Variants in APPBP2 observed in about 807,000 individuals in gnomAD.
The protein encoded by APPBP2 is amyloid protein-binding protein 2.
APPBP2 carries 15 observed loss-of-function variants against 76.0 expected under a neutral mutation model. That is an observed-to-expected ratio of 0.20 (90% CI 0.13 to 0.30). The LOEUF (loss-of-function observed/expected upper bound fraction) is 0.30, where lower values mean the gene tolerates loss of function less well. Ranked by LOEUF, APPBP2 falls within the 10% of genes least tolerant of loss-of-function variation. The probability of loss-of-function intolerance (pLI) is 1.00; values close to 1 mark genes in which losing one functional copy is unlikely to be tolerated. For synonymous variants in APPBP2, 222 were observed against 242.2 expected (o/e 0.92, Z 0.77); for missense variants, 401 against 687.2 (o/e 0.58, Z 4.66).
intron 1 of APPBP2, among the ~76,000 whole-genome samples, chr17:60,503,466 A>G (rs2090839497): frequency 6.9e-6 from 1 of 145,146 alleles, no homozygotes; most frequent in Non-Finnish European, 1.5e-5. Flanking sequence ...ACTCACTGCA[A>G]CCTCCACCTC....
chr17:60,509,874 A>C lies in APPBP2; in HGVS notation c.139-9387T>G, dbSNP rs543864725. 5.6e-4 allele frequency among the ~76,000 whole-genome samples: 86 copies of C among 152,306 alleles called. 2 individuals are homozygous for C. The South Asian group carries it at 0.017, about 29-fold the overall frequency. On this transcript the variant is annotated intron_variant, in intron 1 of 12. Transcript: ENST00000083182. ...CTTCCAAATATCACATGAAAGGGGAAAGTGAATGGGAGAACAGATTCAGTA... is the reference window on the plus strand; with the variant it reads ...CTTCCAAATATCACATGAAAGGGGACAGTGAATGGGAGAACAGATTCAGTA...
intron 3 of APPBP2, among the ~76,000 whole-genome samples, chr17:60,485,709 C>T (rs186131681): frequency 2.0e-4 from 30 of 152,248 alleles, no homozygotes; most frequent in African/African-American, 7.2e-4. Flanking sequence ...TTCAGTTCTG[C>T]TCTGATCTTA....
intron 9 of APPBP2, chr17:60,460,077 T>C (rs567301462): frequency 6.6e-6 from 1 of 152,380 alleles, no homozygotes; most frequent in South Asian, 2.1e-4. Context: ...TTAAGTTTGC[T>C]ACTGTATTAC....
intron 1 of APPBP2, among the ~76,000 whole-genome samples, chr17:60,519,859 C>T (rs1006194462): frequency 6.7e-6 from 1 of 148,218 alleles, no homozygotes; most frequent in Admixed American, 6.8e-5. Context: ...TGACAGCTCA[C>T]TGCAACCTCA....
At chr17:60,487,295 C>G (rs2090687682) in intron 3 of APPBP2, among the ~76,000 whole-genome samples, 2 of 152,294 alleles carry the variant, frequency 1.3e-5, no homozygotes, top group South Asian at 4.1e-4. Context: ...TGTCTTCCAG[C>G]TTGGTTCCAT....
intron 1 of APPBP2, among the ~76,000 whole-genome samples, chr17:60,517,263 A>G (rs1378356823): frequency 6.6e-6 from 1 of 152,208 alleles, no homozygotes; most frequent in Admixed American, 6.5e-5. Flanking sequence ...GGCGTGAGCC[A>G]CCATGTTGGG....
intron 1 of APPBP2, chr17:60,513,251 A>G (rs2090933538): frequency 2.3e-6 from 1 of 429,178 alleles, no homozygotes; most frequent in South Asian, 3.2e-5. Context: ...GATATTGTAT[A>G]TAAGAAATTT....
rs2090417991 is a variant in APPBP2 at position 60,454,438 on chromosome 17, C to G, written c.1202G>C (p.Arg401Thr). 6.2e-7 allele frequency: 1 copy of G among 1,609,494 alleles called. No individual in the cohort carries two copies. The highest frequency in any genetic ancestry group is 8.5e-7 in the Non-Finnish European group (1 of 1,178,420). ...CAAATCATGAGCTTCTTGAAGCAGCCTCTGTTCAGTTTCCTTATTATGACA... is the reference window on the plus strand; with the variant it reads ...CAAATCATGAGCTTCTTGAAGCAGCGTCTGTTCAGTTTCCTTATTATGACA... ...IDCHNKETEQ[R>T]LLQEAHDLHL... The change falls in exon 11 of 13, where the codon AGG (arginine) becomes ACG (threonine). Residue 401 changes from arginine to threonine, a missense_variant. This residue lies in a region of APPBP2 where 130 missense variants were observed against 322.7 expected (regional missense o/e 0.40). Transcript: ENST00000083182.
chr17:60,520,852 A>G (rs2091004805), intron 1 of APPBP2, among the ~76,000 whole-genome samples: 2 of 152,088 alleles, frequency 1.3e-5, no homozygotes, highest in African/African-American at 4.8e-5. Flanking sequence ...GTGAGCTACC[A>G]CACCTGGCCA....
rs534060202 is a variant in APPBP2 at position 60,494,100 on chromosome 17, C to A, written c.379+366G>T. ...CTGCCACAGCCTACAGTAAGCAGGT[C>A]AAAGAGGCTGGTGGCAGCATGACAT... On this transcript the variant is annotated intron_variant, in intron 3 of 12. Transcript: ENST00000083182. 4.6e-5 allele frequency among the ~76,000 whole-genome samples: 7 copies of A among 152,272 alleles called. No homozygotes were observed. In the South Asian group the frequency reaches 1.5e-3, roughly 32 times the overall value.
chr17:60,479,034 T>C, intron 4 of APPBP2, 114 bp downstream of exon 4: 4 of 1,048,902 alleles, frequency 3.8e-6, no homozygotes, highest in South Asian at 2.0e-5. Flanking sequence ...CTATGACATA[T>C]AAATATCATC....
intron 3 of APPBP2, among the ~76,000 whole-genome samples, chr17:60,488,934 A>T (rs2090703301): frequency 6.6e-6 from 1 of 152,206 alleles, no homozygotes; most frequent in African/African-American, 2.4e-5. Flanking sequence ...TTTAAAAAAT[A>T]AATGCTGGCC....
rs143402799 is a variant in APPBP2, at chr17:60,500,135, C to T, written c.227+264G>A. ...CACGCCATTTTCCTGCCTCAGCCTC[C>T]CAAGTAGCTGGGACTAAGGCGCCTA... On this transcript the variant is annotated intron_variant, in intron 2 of 12. Coordinates refer to ENST00000083182, the MANE Select transcript of APPBP2 (RefSeq NM_006380.5). 5.9e-3 allele frequency among the ~76,000 whole-genome samples: 898 copies of T among 152,116 alleles called. 11 individuals carry two copies. The highest frequency in any genetic ancestry group is 0.02 in the African/African-American group (842 of 41,468).
intron 2 of APPBP2, among the ~76,000 whole-genome samples, chr17:60,494,992 T>G (rs1232256548): frequency 1.4e-5 from 2 of 148,040 alleles, no homozygotes; most frequent in South Asian, 2.1e-4. Context: ...TTGTTTTTTT[T>G]TTTTTTTTTT....
intron 1 of APPBP2, among the ~76,000 whole-genome samples, chr17:60,506,564 G>C (rs1169526917): frequency 6.7e-6 from 1 of 149,766 alleles, no homozygotes; most frequent in African/African-American, 2.5e-5. Flanking sequence ...ATGACACACT[G>C]TTTTTTTTAC....
At chr17:60,465,183 A>C (rs1567922192) in intron 5 of APPBP2, 1 of 152,210 alleles carries the variant, frequency 6.6e-6, no homozygotes, top group Non-Finnish European at 1.5e-5. Flanking sequence ...CCAGGCTGGT[A>C]ATGTTCTAGA....
At chr17:60,515,056 G>C (rs1302552944) in intron 1 of APPBP2, among the ~76,000 whole-genome samples, 1 of 151,640 alleles carries the variant, frequency 6.6e-6, no homozygotes, top group Non-Finnish European at 1.5e-5. Flanking sequence ...CACCCACCTC[G>C]GCCTCCCAAA....
chr17:60,459,592 A>G (rs1383609475), intron 9 of APPBP2: 1 of 149,166 alleles, frequency 6.7e-6, no homozygotes, highest in Non-Finnish European at 1.5e-5. Context: ...TCTTGGGTTC[A>G]AGCAATTGTC....
intron 1 of APPBP2, among the ~76,000 whole-genome samples, chr17:60,501,165 C>T (rs986189805): frequency 5.9e-5 from 9 of 151,360 alleles, no homozygotes; most frequent in African/African-American, 1.9e-4. Context: ...TAAATAAATT[C>T]GCTAGGTGTG....
Sources: allele counts gnomAD v4.1 joint callset (sites outside exome capture counted in the v4.1 genomes callset), GRCh38; gene constraint gnomAD v4.1.1; regional missense constraint gnomAD v4.1.1; transcripts MANE v1.5; gene names NCBI Gene and HGNC (gene_info 2026-07-23, HGNC 2026-07-21).